Variants in UXS1 observed in about 807,000 individuals in gnomAD.
The protein encoded by UXS1 is UDP-glucuronic acid decarboxylase 1.
In UXS1, 33 loss-of-function variants were observed where a neutral mutation model predicts 62.6. That is an observed-to-expected ratio of 0.53 (90% CI 0.40 to 0.70). The LOEUF (loss-of-function observed/expected upper bound fraction) is 0.70, where lower values mean the gene tolerates loss of function less well. Among genes scored for constraint, UXS1 ranks in the 30% least tolerant of loss-of-function variants. The pLI is 0.00. For missense variants in UXS1, 434 were observed against 556.3 expected, an observed-to-expected ratio of 0.78 and a Z score of 2.21; for synonymous variants, 213 against 206.8, an observed-to-expected ratio of 1.03 and a Z score of -0.26.
rs145729390 is a variant in UXS1, at chr2:106,181,009, A to C, written c.94+13139T>G. The stretch of plus-strand genomic sequence containing the variant: ...ATGGAAAATGAAATATACTTTCCCT[A>C]AGGTTACCAAATGAATGAATCTCCT... On this transcript the variant is annotated intron_variant, in intron 1 of 14. Coordinates refer to ENST00000283148, the MANE Select transcript of UXS1 (RefSeq NM_001253875.2). Among the ~76,000 whole-genome samples the C allele has an allele frequency of 4.8e-3, 732 of 152,366 alleles. 6 individuals are homozygous for C. Among genetic ancestry groups the C allele is most frequent in the African/African-American group, 0.017 (702 of 41,588 alleles).
chr2:106,117,747 G>A (rs1206050703), intron 9 of UXS1, among the ~76,000 whole-genome samples: 12 of 152,176 alleles, frequency 7.9e-5, no homozygotes, highest in Admixed American at 7.2e-4. Context: ...CTAAAGCAAC[G>A]GAGTCAGGCT....
At chr2:106,111,510 C>G (rs1678607267) in intron 10 of UXS1, among the ~76,000 whole-genome samples, 1 of 152,158 alleles carries the variant, frequency 6.6e-6, no homozygotes, top group African/African-American at 2.4e-5. Flanking sequence ...GCAGCCAACA[C>G]AGACAAGGAG....
chr2:106,163,633 T>A, intron 4 of UXS1, 34 bp downstream of exon 4: 1 of 1,412,316 alleles, frequency 7.1e-7, no homozygotes, highest in Non-Finnish European at 9.5e-7. Flanking sequence ...AAACTTATTT[T>A]AACTATTGAC....
chr2:106,157,795 A>C (rs1682556969), intron 5 of UXS1, among the ~76,000 whole-genome samples: 1 of 152,210 alleles, frequency 6.6e-6, no homozygotes, highest in Admixed American at 6.5e-5. Context: ...GCAGATTCAT[A>C]GAGATAGAGA....
chr2:106,126,094 C>T (rs1679921707), intron 7 of UXS1, among the ~76,000 whole-genome samples: 2 of 152,166 alleles, frequency 1.3e-5, no homozygotes, highest in Admixed American at 6.5e-5. Flanking sequence ...CTCCTGGGCT[C>T]TTCTAACTGC....
In UXS1 at chr2:106,104,832, G is replaced by A. The variant is rs186147515; in HGVS notation, c.885C>T (p.Tyr295=). 2.9e-5 allele frequency: 47 copies of A among 1,613,916 alleles called. No individual in the cohort carries two copies. In the East Asian group the frequency reaches 3.8e-4, roughly 13 times the overall value. ...QALQGEPLTV[Y]GSGSQTRAFQ... ...ACGCCCTTGTCTGAGACCCGGATCC[G>A]TATACCTGGAAGGAAACCAACAGTT... The change falls in exon 11 of 15, where the codon TAC becomes TAT. Residue 295 remains tyrosine (Y), a synonymous_variant. Transcript: ENST00000283148.
chr2:106,122,447 G>C (rs935048785), intron 9 of UXS1, among the ~76,000 whole-genome samples: 1 of 152,124 alleles, frequency 6.6e-6, no homozygotes, highest in East Asian at 1.9e-4. Context: ...TGGCAACCTC[G>C]GCCTCTTGGT....
chr2:106,139,092 T>C (rs1680887001), intron 6 of UXS1, among the ~76,000 whole-genome samples: 1 of 152,064 alleles, frequency 6.6e-6, no homozygotes, highest in African/African-American at 2.4e-5. Flanking sequence ...CCTGGGAACA[T>C]GTCAACTGCA....
intron 9 of UXS1, among the ~76,000 whole-genome samples, chr2:106,115,128 G>C (rs1261150413): frequency 2.6e-5 from 4 of 152,228 alleles, no homozygotes; most frequent in South Asian, 2.1e-4. Flanking sequence ...TGACACCACT[G>C]TTGATGGTGG....
At chr2:106,178,560 G>A (rs1453861563) in intron 1 of UXS1, among the ~76,000 whole-genome samples, 1 of 151,152 alleles carries the variant, frequency 6.6e-6, no homozygotes, top group South Asian at 2.1e-4. Flanking sequence ...ACAAGTGGGT[G>A]TGTGTGTGTA....
At chr2:106,156,311 A>G (rs1035406331) in intron 5 of UXS1, among the ~76,000 whole-genome samples, 18 of 152,354 alleles carry the variant, frequency 1.2e-4, no homozygotes, top group African/African-American at 4.3e-4. Flanking sequence ...GCTATCAGAG[A>G]AATGCAAATC....
Position 106,122,851 on chromosome 2 carries a change from T to TCCCAAACACCTATCC in UXS1, c.759+104_759+118dup, listed in dbSNP as rs1679628643. 7.2e-6 allele frequency: 10 copies of TCCCAAACACCTATCC among 1,386,930 alleles called. No individual in the cohort carries two copies. In the South Asian group the frequency reaches 1.3e-4, roughly 18 times the overall value. The allele number at this position is 1,386,930 out of a possible 1,614,324, so 85.9% of individuals were successfully genotyped here. A position where few individuals can be genotyped will look rare whatever the true frequency, so the allele number is the denominator to read the frequency against. On this transcript the variant is annotated intron_variant, in intron 9 of 14. Coordinates refer to ENST00000283148, the MANE Select transcript of UXS1 (RefSeq NM_001253875.2). The stretch of plus-strand genomic sequence containing the variant: ...ATTTATAATACTGGGAAACTGAGCT[T>TCCCAAACACCTATCC]CCCAAACACCTATCCCCAGACAAAA...
In UXS1 at chr2:106,158,095, A is replaced by G; in HGVS notation, c.254T>C (p.Val85Ala). ...CCGATCCTTTTCTGATAAAAACTTTACTGGTGGGTATTTCTGGGTAAAGCT... is the reference window on the plus strand; with the variant it reads ...CCGATCCTTTTCTGATAAAAACTTTGCTGGTGGGTATTTCTGGGTAAAGCT... ...EKSFTQKYPP[V>A]KFLSEKDRKR... Residue 85 changes from valine (V) to alanine (A), a missense_variant, in exon 5 of 15, where the codon GTA (valine) becomes GCA (alanine). Around this residue, in one of 3 missense-constraint regions of UXS1, gnomAD observed 134 missense variants for 251.9 expected, o/e 0.53. Transcript: ENST00000283148. The G allele has an allele frequency of 6.4e-7, 1 of 1,567,246 alleles. No individual in the cohort carries two copies. Among genetic ancestry groups the G allele is most frequent in the South Asian group, 1.2e-5 (1 of 85,112 alleles).
At chr2:106,182,624 G>T (rs181264031) in intron 1 of UXS1, among the ~76,000 whole-genome samples, 2 of 152,250 alleles carry the variant, frequency 1.3e-5, no homozygotes, top group Admixed American at 1.3e-4. Context: ...CAGCACCCAC[G>T]GGCATGATCC....
intron 5 of UXS1, among the ~76,000 whole-genome samples, chr2:106,147,598 A>C (rs937013619): frequency 6.6e-6 from 1 of 152,208 alleles, no homozygotes; most frequent in Admixed American, 6.5e-5. Context: ...AAATAAAATA[A>C]AATACAGAAT....
intron 8 of UXS1, among the ~76,000 whole-genome samples, chr2:106,124,945 TC>T (rs539585572): frequency 6.5e-4 from 99 of 152,312 alleles, no homozygotes; most frequent in African/African-American, 2.3e-3. Flanking sequence ...AAAAATTACA[TC>T]ATACTAAAAC....
intron 2 of UXS1, 105 bp downstream of exon 2, chr2:106,165,951 T>C: frequency 1.7e-6 from 2 of 1,160,516 alleles, no homozygotes; most frequent in Middle Eastern, 2.1e-4. Context: ...ACTTTTGTTT[T>C]AAAAATATTT....
At chr2:106,101,895 G>C (rs1461631993) in intron 11 of UXS1, 1 of 152,306 alleles carries the variant, frequency 6.6e-6, no homozygotes, top group South Asian at 2.1e-4. Context: ...CTAAGCACAA[G>C]CACTTTTTCT....
chr2:106,145,043 AC>A, intron 6 of UXS1, 146 bp downstream of exon 6: 1 of 856,844 alleles, frequency 1.2e-6, no homozygotes, highest in Admixed American at 2.9e-5. Context: ...CTAGGACGGC[AC>A]CTCATACATA....
Sources: allele counts gnomAD v4.1 joint callset (sites outside exome capture counted in the v4.1 genomes callset), GRCh38; gene constraint gnomAD v4.1.1; regional missense constraint gnomAD v4.1.1; transcripts MANE v1.5; gene names NCBI Gene and HGNC (gene_info 2026-07-23, HGNC 2026-07-21).